TRIQK: variants seen among roughly 807,000 people sequenced by gnomAD.
TRIQK encodes the protein triple QxxK/R motif-containing protein.
In TRIQK, 10 loss-of-function variants were observed where a neutral mutation model predicts 10.8. The ratio of observed to expected loss-of-function variants is 0.92; its 90% CI spans 0.57 to 1.57. The LOEUF is 1.57. TRIQK is among the 40% of genes most tolerant of loss of function. The pLI is 0.00. For missense variants in TRIQK, 107 were observed against 97.7 expected, an observed-to-expected ratio of 1.09 and a Z score of -0.40; for synonymous variants, 33 against 33.7, an observed-to-expected ratio of 0.98 and a Z score of 0.07.
intron 1 of TRIQK, chr8:92,960,574 T>C (rs1385719532): frequency 2.0e-5 from 3 of 152,318 alleles, no homozygotes; most frequent in Non-Finnish European, 2.9e-5. Flanking sequence ...TCCTGAATTA[T>C]CTGGATGTGT....
At chr8:92,898,002 G>C (rs1213765767) in intron 3 of TRIQK, among the ~76,000 whole-genome samples, 1 of 151,910 alleles carries the variant, frequency 6.6e-6, no homozygotes, top group Non-Finnish European at 1.5e-5. Flanking sequence ...AGATTCTCAG[G>C]AATCTGTCAG....
chr8:92,960,358 C>T (rs943716399), intron 1 of TRIQK: 3 of 152,152 alleles, frequency 2.0e-5, no homozygotes, highest in South Asian at 2.1e-4. Flanking sequence ...TTCTCTACAC[C>T]GACTAAACTT....
intron 1 of TRIQK, among the ~76,000 whole-genome samples, chr8:92,964,464 C>A (rs1195715718): frequency 2.1e-4 from 30 of 142,320 alleles, no homozygotes; most frequent in African/African-American, 4.6e-4. Context: ...ATATATATAT[C>A]TATATATATA....
intron 2 of TRIQK, among the ~76,000 whole-genome samples, chr8:92,952,473 C>T (rs1586488622): frequency 6.6e-6 from 1 of 151,266 alleles, no homozygotes; most frequent in South Asian, 2.1e-4. Flanking sequence ...TGTGGTACAA[C>T]TCTAAAAGGT....
intron 3 of TRIQK, among the ~76,000 whole-genome samples, chr8:92,902,074 G>A (rs1208159234): frequency 2.0e-5 from 3 of 152,040 alleles, no homozygotes; most frequent in African/African-American, 7.2e-5. Flanking sequence ...AATATCACTT[G>A]TAATGCCTCC....
At chr8:92,960,213 T>C (rs1563663164) in intron 1 of TRIQK, among the ~76,000 whole-genome samples, 1 of 152,118 alleles carries the variant, frequency 6.6e-6, no homozygotes, top group Non-Finnish European at 1.5e-5. Flanking sequence ...TATCTATCTA[T>C]CTATCTATGT....
intron 1 of TRIQK, among the ~76,000 whole-genome samples, chr8:93,008,430 G>GTC (rs1813296213): frequency 6.6e-6 from 1 of 152,026 alleles, no homozygotes; most frequent in East Asian, 1.9e-4. Flanking sequence ...ATTCAATGTA[G>GTC]ATGACTACAT....
intron 1 of TRIQK, among the ~76,000 whole-genome samples, chr8:92,983,318 C>T (rs1311643282): frequency 6.6e-6 from 1 of 151,960 alleles, no homozygotes; most frequent in African/African-American, 2.4e-5. Context: ...TGTTCTTATA[C>T]ACAAACTAGA....
At chr8:93,010,743 C>T (rs1813323837) in intron 1 of TRIQK, among the ~76,000 whole-genome samples, 1 of 152,090 alleles carries the variant, frequency 6.6e-6, no homozygotes, top group Admixed American at 6.6e-5. Flanking sequence ...TCAGCCATCA[C>T]ATGCAACTAT....
upstream of TRIQK, among the ~76,000 whole-genome samples, chr8:92,968,052 T>C (rs1408938526): frequency 6.6e-6 from 1 of 152,036 alleles, no homozygotes; most frequent in Non-Finnish European, 1.5e-5. Context: ...TAATGTAAAA[T>C]TAAAACTTCC....
At chr8:92,985,425 C>G (rs1813022093) in intron 1 of TRIQK, among the ~76,000 whole-genome samples, 1 of 152,086 alleles carries the variant, frequency 6.6e-6, no homozygotes, top group African/African-American at 2.4e-5. Context: ...TTTTGATTTC[C>G]TAGTAGCTAC....
At position 92,966,023 on chromosome 8, in the gene TRIQK, C is replaced by A. The variant is rs2130731656; in HGVS notation, c.-197G>T. 6.5e-6 allele frequency: 1 copy of A among 152,782 alleles called. No individual in the cohort carries two copies. Among genetic ancestry groups the A allele is most frequent in the Non-Finnish European group, 1.5e-5 (1 of 68,356 alleles). 9.5% of individuals were successfully genotyped at this position (152,782 alleles called of 1,614,324 possible). ...GACACACACCTCAGCTCTGCCAAGGCAAGGGCCGACAAACTTCGTGTCCTG... is the reference window on the plus strand; with the variant it reads ...GACACACACCTCAGCTCTGCCAAGGAAAGGGCCGACAAACTTCGTGTCCTG... On this transcript the variant is annotated 5_prime_UTR_variant, in exon 1 of 5. Transcript: ENST00000521988.
chr8:92,896,698 T>G (rs192620677), intron 3 of TRIQK, among the ~76,000 whole-genome samples: 5 of 152,338 alleles, frequency 3.3e-5, no homozygotes, highest in Admixed American at 6.5e-5. Context: ...TTAATGTTGT[T>G]TTCCCTGTTG....
At position 92,916,963 on chromosome 8, in the gene TRIQK, T is replaced by A. The variant is rs779544344; in HGVS notation, c.27A>T (p.Ile9=). 6.6e-7 allele frequency: 1 copy of A among 1,506,470 alleles called. No individual in the cohort carries two copies. The highest frequency in any genetic ancestry group is 1.3e-5 in the South Asian group (1 of 78,036). 93.3% of individuals were successfully genotyped at this position (1,506,470 alleles called of 1,614,324 possible). A position where few individuals can be genotyped will look rare whatever the true frequency, so the allele number is the denominator to read the frequency against. MGRKDAAT[I]KLPVDQYRKQ... is the part of the protein sequence containing the mutation. ...TTCTGTACTGATCAACAGGAAGTTT[T>A]ATAGTAGCAGCATCTTTTCTACCCA... Residue 9 remains isoleucine, a synonymous_variant, in exon 3 of 5, where the codon ATA becomes ATT. Transcript: ENST00000521988.
chr8:92,968,288 A>G (rs1812837360), upstream of TRIQK, among the ~76,000 whole-genome samples: 1 of 152,178 alleles, frequency 6.6e-6, no homozygotes, highest in Non-Finnish European at 1.5e-5. Flanking sequence ...TTATAGTAGC[A>G]TGATTTATAA....
upstream of TRIQK, among the ~76,000 whole-genome samples, chr8:92,967,220 C>G (rs757564600): frequency 6.6e-6 from 1 of 151,806 alleles, no homozygotes; most frequent in Non-Finnish European, 1.5e-5. Context: ...TAGTGAAACT[C>G]TTTTTCCTTC....
At chr8:92,906,722 C>CAAA (rs36073229) in intron 3 of TRIQK, among the ~76,000 whole-genome samples, 2,859 of 126,428 alleles carry the variant, frequency 0.023, 43 homozygotes, top group Middle Eastern at 0.042. Flanking sequence ...CCGTCTCTAT[C>CAAA]AAAAAAAAAA....
intron 4 of TRIQK, 126 bp downstream of exon 4, chr8:92,891,863 T>G (rs983853668): frequency 3.0e-6 from 2 of 669,364 alleles, no homozygotes; most frequent in South Asian, 2.3e-5. Context: ...AACCTTTAAG[T>G]CTGGCATTCT....
intron 2 of TRIQK, among the ~76,000 whole-genome samples, chr8:92,936,108 C>G (rs1310260498): frequency 5.9e-5 from 9 of 151,530 alleles, no homozygotes; most frequent in Admixed American, 4.6e-4. Flanking sequence ...GCACACTTCT[C>G]AACTCATTTC....
Sources: gnomAD v4.1 joint callset for allele counts (sites outside exome capture counted in the v4.1 genomes callset) on GRCh38, gnomAD v4.1.1 for gene constraint, MANE v1.5 for transcripts, NCBI Gene and HGNC (gene_info 2026-07-23, HGNC 2026-07-21) for gene names.